Variants in C16orf90 observed in about 807,000 individuals in gnomAD.
The protein encoded by C16orf90 is uncharacterized protein C16orf90.
A neutral mutation model predicts 17.1 loss-of-function variants in C16orf90; 17 were observed. The observed-to-expected ratio is 1.00, with a 90% CI of 0.68 to 1.49. C16orf90 has a LOEUF of 1.49. Among genes scored for constraint, C16orf90 ranks in the 40% most tolerant of loss-of-function variants. C16orf90 has a pLI of 0.00. For synonymous variants in C16orf90, 108 were observed against 95.8 expected (o/e 1.13, Z -0.75); for missense variants, 255 against 235.5 (o/e 1.08, Z -0.54).
chr16:3,496,565 C>T, upstream of C16orf90: 2 of 543,464 alleles, frequency 3.7e-6, no homozygotes, highest in Non-Finnish European at 7.3e-6. Flanking sequence ...GGCCAAGATC[C>T]TGACTTTCGA....
chr16:3,495,145 C>T (rs1469287678), intron 1 of C16orf90, among the ~76,000 whole-genome samples: 2 of 152,216 alleles, frequency 1.3e-5, no homozygotes, highest in African/African-American at 4.8e-5. Flanking sequence ...ACCTCAAGTC[C>T]TTTCTACTAC....
chr16:3,495,543 G>A (rs1386242618), upstream of C16orf90: 2 of 1,514,308 alleles, frequency 1.3e-6, no homozygotes, highest in African/African-American at 1.4e-5. Flanking sequence ...ACATCACGGG[G>A]AAGACTCCCA....
chr16:3,494,931 G>T, intron 1 of C16orf90, 54 bp from the exon 2 acceptor site: 2 of 1,326,818 alleles, frequency 1.5e-6, no homozygotes, highest in East Asian at 2.4e-5. Flanking sequence ...CAGCCATGAG[G>T]GGAGGGTGCA....
In C16orf90 at chr16:3,494,619, G is replaced by A. The variant is rs776175547; in HGVS notation, c.305C>T (p.Ala102Val). 2 of 1,612,444 alleles carry A rather than the reference G, an allele frequency of 1.2e-6. No homozygotes were observed. Among genetic ancestry groups the A allele is most frequent in the South Asian group, 1.1e-5 (1 of 91,056 alleles). The change falls in exon 2 of 3, where the codon GCC becomes GTC. Residue 102 changes from alanine to valine, a missense_variant. By Grantham distance (64) the Ala-to-Val change is moderately conservative (BLOSUM62 0). Coordinates refer to ENST00000437192, the MANE Select transcript of C16orf90 (RefSeq NM_001080524.2). ...CLPQPEGTAW[A>V]LDLPQGTLGP... ...CAGAGTCCCCTGTGGCAGGTCCAGG[G>A]CCCAGGCTGTGCCCTCAGGCTGTGG...
chr16:3,496,223 A>G (rs909694677), upstream of C16orf90: 6 of 601,106 alleles, frequency 1.0e-5, no homozygotes, highest in South Asian at 8.3e-5. Flanking sequence ...GTCCGCCACA[A>G]GAAGGACCTA....
At chr16:3,496,357 GT>G, upstream of C16orf90, 2 of 1,145,864 alleles carry the variant, frequency 1.7e-6, no homozygotes, top group South Asian at 1.2e-5. Flanking sequence ...TGAAGAGGTT[GT>G]TTATGAGTCG....
upstream of C16orf90, chr16:3,496,236 G>C (rs972441015): frequency 3.2e-6 from 2 of 628,450 alleles, no homozygotes; most frequent in African/African-American, 3.7e-5. Context: ...AGGACCTAAA[G>C]GTTCGGCGCA....
intron 1 of C16orf90, 50 bp downstream of exon 1, chr16:3,495,326 G>C (rs1394845984): frequency 6.4e-7 from 1 of 1,570,420 alleles, no homozygotes; most frequent in Admixed American, 1.8e-5. Flanking sequence ...GGCCCAGGTG[G>C]GGACAGAAGC....
upstream of C16orf90, chr16:3,496,539 G>A (rs2037312910): frequency 3.2e-5 from 18 of 555,206 alleles, no homozygotes; most frequent in South Asian, 2.1e-4. Context: ...GCCCACAGCG[G>A]CATCCTCAGG....
chr16:3,493,737 C>A lies in C16orf90; in HGVS notation c.*102G>T. ...GGGCGCTGGGCCGCTGCCTGGGCCA[C>A]CCCATGTGGCAGGGCCACTGCCGGG... is the stretch of plus-strand genomic sequence containing the variant. On this transcript the variant is annotated 3_prime_UTR_variant, in exon 3 of 3. Coordinates refer to ENST00000437192, the MANE Select transcript of C16orf90 (RefSeq NM_001080524.2). 1 of 1,226,132 alleles carries A rather than the reference C, an allele frequency of 8.2e-7. No individual in the cohort carries two copies. Among genetic ancestry groups the A allele is most frequent in the Non-Finnish European group, 1.1e-6 (1 of 892,798 alleles). 76.0% of individuals were successfully genotyped at this position (1,226,132 alleles called of 1,614,324 possible).
rs374023919 is a variant in C16orf90 at position 3,495,423 on chromosome 16, G to A, written c.-2C>T. 3.1e-6 allele frequency: 5 copies of A among 1,610,140 alleles called. No homozygotes were observed. Among genetic ancestry groups the A allele is most frequent in the Admixed American group, 1.7e-5 (1 of 59,594 alleles). On this transcript the variant is annotated 5_prime_UTR_variant, in exon 1 of 3. Transcript: ENST00000437192. The stretch of plus-strand genomic sequence containing the variant: ...AAATGCACAGACCAAGGCTTCCATG[G>A]AGGGCCAGTGTGGTGGGGAGGAGCA...
At chr16:3,496,130 G>T, upstream of C16orf90, 1 of 384,762 alleles carries the variant, frequency 2.6e-6, no homozygotes, top group South Asian at 2.1e-5. Context: ...TGCAGAGCGA[G>T]ACTCCGTCTC....
chr16:3,495,608 G>T, upstream of C16orf90: 2 of 1,281,646 alleles, frequency 1.6e-6, no homozygotes, highest in Non-Finnish European at 2.1e-6. Context: ...AGGGCAGGGT[G>T]AAAGAAAGGC....
chr16:3,496,623 C>A, upstream of C16orf90: 1 of 532,452 alleles, frequency 1.9e-6, no homozygotes. Context: ...GTCCTACTCT[C>A]CGGTCTTCGC....
Position 3,494,893 on chromosome 16 carries a change from C to T in C16orf90, c.47-16G>A, listed in dbSNP as rs779320786. On this transcript the variant is annotated splice_polypyrimidine_tract_variant and intron_variant, in intron 1 of 2. Coordinates refer to ENST00000437192, the MANE Select transcript of C16orf90 (RefSeq NM_001080524.2). ...CTCACTGCATCTGCAGAGGAGACAG[C>T]GGGAGGGTGGTGGCCAGCCCCCCAC... 212 of 1,488,892 alleles carry T rather than the reference C, an allele frequency of 1.4e-4. 1 individual carries two copies. The Admixed American group carries it at 1.7e-3, about 12-fold the overall frequency. The allele number at this position is 1,488,892 out of a possible 1,614,324, so 92.2% of individuals were successfully genotyped here.
chr16:3,494,566 G>T lies in C16orf90; in HGVS notation c.358C>A (p.Leu120Ile), dbSNP rs202070785. Residue 120 changes from leucine (L) to isoleucine (I), a missense_variant, in exon 2 of 3, where the codon CTT becomes ATT. Coordinates refer to ENST00000437192, the MANE Select transcript of C16orf90 (RefSeq NM_001080524.2). ...LGPRNSLCSA[L>I]LEARLPRDSL... is the part of the protein sequence containing the mutation. ...TCCCTGGGCAATCGGGCTTCCAGAAGGGCTGAACAGAGGCTGTTACGTGGG... is the reference window on the plus strand; with the variant it reads ...TCCCTGGGCAATCGGGCTTCCAGAATGGCTGAACAGAGGCTGTTACGTGGG... 5 of 1,612,898 alleles carry T rather than the reference G, an allele frequency of 3.1e-6. No homozygotes were observed. The highest frequency in any genetic ancestry group is 1.6e-4 in the Middle Eastern group (1 of 6,062).
At chr16:3,496,261 C>T (rs1439491205), upstream of C16orf90, 2 of 711,338 alleles carry the variant, frequency 2.8e-6, no homozygotes, top group Non-Finnish European at 5.1e-6. Context: ...GCCCAAGAGC[C>T]AGGATATCTA....
At chr16:3,494,040 G>T (rs56793723) in intron 2 of C16orf90, 53 bp from the exon 3 acceptor site, 402,164 of 1,530,098 alleles carry the variant, frequency 0.26, 60,197 homozygotes, top group African/African-American at 0.58. Context: ...GGGAGGCTGG[G>T]GGGGAGGCTG....
upstream of C16orf90, chr16:3,496,392 T>C: frequency 8.5e-7 from 1 of 1,175,522 alleles, no homozygotes. Flanking sequence ...CCTCTGTCCG[T>C]TTCCCGGATG....
Sources: gnomAD v4.1 joint callset for allele counts (sites outside exome capture counted in the v4.1 genomes callset) on GRCh38, gnomAD v4.1.1 for gene constraint, MANE v1.5 for transcripts, NCBI Gene and HGNC (gene_info 2026-07-23, HGNC 2026-07-21) for gene names.